Variants in SERPING1 observed in about 807,000 individuals in gnomAD.
SERPING1 encodes the protein plasma protease C1 inhibitor.
SERPING1 carries 5 observed loss-of-function variants against 34.1 expected under a neutral mutation model. The observed-to-expected ratio is 0.15, with a 90% CI of 0.08 to 0.31. SERPING1 has a LOEUF of 0.31. Ranked by LOEUF, SERPING1 falls within the 10% of genes least tolerant of loss-of-function variation. The pLI, the probability that SERPING1 is intolerant of heterozygous loss-of-function variation, is 1.00. For synonymous variants in SERPING1, 225 were observed against 242.4 expected (o/e 0.93, Z 0.67); for missense variants, 505 against 609.5 (o/e 0.83, Z 1.81).
intron 6 of SERPING1, 147 bp downstream of exon 6, chr11:57,606,694 CCTT>C (rs1201164390): frequency 4.4e-6 from 4 of 902,674 alleles, no homozygotes; most frequent in South Asian, 1.3e-5. Context: ...TATCTTTTCT[CCTT>C]CTCCTTTCTC....
chr11:57,598,189 G>A, intron 1 of SERPING1, 60 bp from the exon 2 acceptor site: 1 of 1,361,334 alleles, frequency 7.3e-7, no homozygotes, highest in Non-Finnish European at 1.0e-6. Flanking sequence ...GCCCCGGGCG[G>A]GGTGGGGGCC....
At chr11:57,612,403 CTT>C (rs1175159358) in intron 7 of SERPING1, among the ~76,000 whole-genome samples, 31 of 135,170 alleles carry the variant, frequency 2.3e-4, no homozygotes, top group African/African-American at 4.1e-4. Flanking sequence ...ACTCCATTTT[CTT>C]TTTTTTTTTT....
chr11:57,603,502 G>T (rs527417646), intron 4 of SERPING1, among the ~76,000 whole-genome samples: 2 of 150,194 alleles, frequency 1.3e-5, no homozygotes, highest in African/African-American at 4.9e-5. Context: ...AGCCGAGATC[G>T]CGCCACTGCA....
chr11:57,612,509 C>T (rs1019050328), intron 7 of SERPING1, among the ~76,000 whole-genome samples: 21 of 150,294 alleles, frequency 1.4e-4, no homozygotes, highest in African/African-American at 1.5e-4. Context: ...CCCAGATTCA[C>T]GCCATGCCAT....
chr11:57,601,477 G>T (rs1285042155), intron 3 of SERPING1, among the ~76,000 whole-genome samples: 1 of 151,600 alleles, frequency 6.6e-6, no homozygotes, highest in African/African-American at 2.4e-5. Flanking sequence ...CCATCTTGAG[G>T]GATTACTGTC....
chr11:57,600,525 T>TGTGTGGTGGG, intron 3 of SERPING1, 148 bp downstream of exon 3: 1 of 849,522 alleles, frequency 1.2e-6, no homozygotes. Context: ...GGATGTATCT[T>TGTGTGGTGGG]TTCATTCTTG....
At chr11:57,602,256 A>G in intron 4 of SERPING1, 87 bp downstream of exon 4, 1 of 1,516,508 alleles carries the variant, frequency 6.6e-7, no homozygotes, top group South Asian at 1.1e-5. Context: ...AAGAAAGGAC[A>G]GAGGGAATGT....
chr11:57,598,757 G>A (rs1945315114), intron 2 of SERPING1, among the ~76,000 whole-genome samples: 1 of 152,136 alleles, frequency 6.6e-6, no homozygotes, highest in South Asian at 2.1e-4. Context: ...TGACACAGAC[G>A]GTGGTCCCAG....
At chr11:57,610,853 G>A (rs1009940057) in intron 6 of SERPING1, among the ~76,000 whole-genome samples, 7 of 152,104 alleles carry the variant, frequency 4.6e-5, no homozygotes, top group African/African-American at 7.2e-5. Flanking sequence ...AATTCACTCC[G>A]AGTTGACAAC....
rs1945353704 is a variant in SERPING1, at chr11:57,602,075, C to A, written c.591C>A (p.Leu197=). Residue 197 remains leucine (L), a synonymous_variant, in exon 4 of 8, where the codon CTC becomes CTA. Coordinates refer to ENST00000278407, the MANE Select transcript of SERPING1 (RefSeq NM_000062.3). ...ENTKTNLESI[L]SYPKDFTCVH... ...CCAAAACAAACCTGGAGAGCATCCTCTCTTACCCCAAGGACTTCACCTGTG... is the reference window on the plus strand; with the variant it reads ...CCAAAACAAACCTGGAGAGCATCCTATCTTACCCCAAGGACTTCACCTGTG... 6.2e-7 allele frequency: 1 copy of A among 1,614,172 alleles called. No homozygotes were observed. The highest frequency in any genetic ancestry group is 8.5e-7 in the Non-Finnish European group (1 of 1,180,038).
rs1476801092 is a variant in SERPING1 at position 57,602,172 on chromosome 11, G to A, written c.685+3G>A. On this transcript the variant is annotated splice_donor_region_variant and intron_variant, in intron 4 of 7. Transcript: ENST00000278407. ...CTCTCAGATCTTCCACAGCCCAGGT[G>A]AGTGCCCAGGAATGGGCAGTGTCTG... The A allele has an allele frequency of 1.9e-6, 3 of 1,614,052 alleles. No individual in the cohort carries two copies. Among genetic ancestry groups the A allele is most frequent in the South Asian group, 1.1e-5 (1 of 91,084 alleles).
intron 2 of SERPING1, among the ~76,000 whole-genome samples, chr11:57,598,551 C>G (rs1054895463): frequency 6.6e-6 from 1 of 152,138 alleles, no homozygotes; most frequent in Non-Finnish European, 1.5e-5. Context: ...AGCTGCGCAG[C>G]GTGGTCCTGA....
At chr11:57,611,535 A>T (rs768441647) in intron 6 of SERPING1, 182 bp from the exon 7 acceptor site, 1 of 672,096 alleles carries the variant, frequency 1.5e-6, no homozygotes, top group Admixed American at 2.2e-5. Flanking sequence ...ACAGAGTTGG[A>T]TCAGCACTGT....
chr11:57,604,625 G>C (rs1210590876), intron 4 of SERPING1, among the ~76,000 whole-genome samples: 2 of 151,254 alleles, frequency 1.3e-5, no homozygotes, highest in African/African-American at 4.9e-5. Context: ...GATAACCATT[G>C]AACTAATCTA....
At chr11:57,599,223 G>A (rs796666179) in intron 2 of SERPING1, among the ~76,000 whole-genome samples, 3 of 152,068 alleles carry the variant, frequency 2.0e-5, no homozygotes, top group Admixed American at 6.6e-5. Context: ...TAGCCTCTAC[G>A]CACTAGATTC....
chr11:57,605,292 G>A (rs2135316587), intron 4 of SERPING1, among the ~76,000 whole-genome samples: 1 of 152,016 alleles, frequency 6.6e-6, no homozygotes, highest in Non-Finnish European at 1.5e-5. Context: ...AGCAAAGCCT[G>A]GGAAAATATC....
chr11:57,611,021 A>C (rs1945471327), intron 6 of SERPING1, among the ~76,000 whole-genome samples: 1 of 150,422 alleles, frequency 6.6e-6, no homozygotes, highest in South Asian at 2.1e-4. Flanking sequence ...TGCAGCCTCC[A>C]CCTCCCGGGT....
At chr11:57,598,580 C>A (rs950229702) in intron 2 of SERPING1, among the ~76,000 whole-genome samples, 10 of 152,250 alleles carry the variant, frequency 6.6e-5, no homozygotes, top group African/African-American at 2.2e-4. Flanking sequence ...CTTTTCTCAG[C>A]CTACTCCTCC....
intron 6 of SERPING1, among the ~76,000 whole-genome samples, chr11:57,606,974 G>A (rs1002963197): frequency 6.6e-6 from 1 of 152,212 alleles, no homozygotes; most frequent in African/African-American, 2.4e-5. Flanking sequence ...AAGTGCATGT[G>A]TGCACATGAG....
Sources: gnomAD v4.1 joint callset for allele counts (sites outside exome capture counted in the v4.1 genomes callset) on GRCh38, gnomAD v4.1.1 for gene constraint, MANE v1.5 for transcripts, NCBI Gene and HGNC (gene_info 2026-07-23, HGNC 2026-07-21) for gene names.